CSMD3: variants seen among roughly 807,000 people sequenced by gnomAD.
The protein encoded by CSMD3 is CUB and sushi domain-containing protein 3.
Under a neutral mutation model 435.2 loss-of-function variants are expected in CSMD3, and 177 were observed. The ratio of observed to expected loss-of-function variants is 0.41; its 90% CI spans 0.36 to 0.46. CSMD3 has a LOEUF of 0.46. Among genes scored for constraint, CSMD3 ranks in the 20% least tolerant of loss-of-function variants. The probability of loss-of-function intolerance (pLI) is 0.34; values close to 1 mark genes in which losing one functional copy is unlikely to be tolerated. For synonymous variants in CSMD3, 1,656 were observed against 1,520.5 expected (o/e 1.09, Z -2.07); for missense variants, 4,265 against 4,504.6 (o/e 0.95, Z 1.52).
intron 3 of CSMD3, among the ~76,000 whole-genome samples, chr8:113,208,246 A>G (rs535852361): frequency 6.4e-4 from 97 of 152,270 alleles, no homozygotes; most frequent in African/African-American, 2.3e-3. Flanking sequence ...TAGTGTATTT[A>G]GCAATGTGGG....
At chr8:112,366,953 A>T (rs12682600) in intron 38 of CSMD3, among the ~76,000 whole-genome samples, 2 of 151,760 alleles carry the variant, frequency 1.3e-5, no homozygotes, top group Admixed American at 6.6e-5. Flanking sequence ...TTTTAATTCC[A>T]TTTTTAATTC....
chr8:112,984,426 T>A (rs2085171296), intron 6 of CSMD3, among the ~76,000 whole-genome samples: 1 of 152,098 alleles, frequency 6.6e-6, no homozygotes. Context: ...ATGTTAAAAT[T>A]TAGCCATAAA....
At chr8:113,341,584 T>A (rs975224615) in intron 1 of CSMD3, among the ~76,000 whole-genome samples, 1 of 152,096 alleles carries the variant, frequency 6.6e-6, no homozygotes, top group South Asian at 2.1e-4. Context: ...TATAAATATA[T>A]ATATGAGACA....
intron 4 of CSMD3, among the ~76,000 whole-genome samples, chr8:113,118,046 C>A (rs1480442): frequency 0.34 from 51,797 of 151,928 alleles, 9,710 homozygotes; most frequent in East Asian, 0.69. Flanking sequence ...GTAGCTTCGT[C>A]CCCAAGTTCT....
intron 1 of CSMD3, among the ~76,000 whole-genome samples, chr8:113,319,004 A>G (rs949461753): frequency 1.3e-5 from 2 of 152,030 alleles, no homozygotes; most frequent in African/African-American, 4.8e-5. Context: ...TGCTGCAAAA[A>G]ACATGGGAGT....
At position 113,212,303 on chromosome 8, in the gene CSMD3, G is replaced by A. The variant is rs543846745; in HGVS notation, c.515-38387C>T. 1.9e-4 allele frequency among the ~76,000 whole-genome samples: 29 copies of A among 152,234 alleles called. No individual in the cohort carries two copies. In the South Asian group the frequency reaches 5.6e-3, roughly 29 times the overall value. On this transcript the variant is annotated intron_variant, in intron 3 of 70. Transcript: ENST00000297405. The stretch of plus-strand genomic sequence containing the variant: ...GGATAACCATATTCACATAAAGAAT[G>A]AGGTATATATTGATATCTCTTCAGT...
At chr8:112,360,845 A>G (rs1827124400) in intron 38 of CSMD3, among the ~76,000 whole-genome samples, 1 of 151,972 alleles carries the variant, frequency 6.6e-6, no homozygotes, top group Admixed American at 6.6e-5. Flanking sequence ...GATAAGTCAT[A>G]TGCTGATGGC....
At chr8:112,821,573 G>A (rs181594867) in intron 12 of CSMD3, among the ~76,000 whole-genome samples, 5 of 152,106 alleles carry the variant, frequency 3.3e-5, no homozygotes, top group Non-Finnish European at 7.4e-5. Context: ...TTGAAAGATT[G>A]TAAACTTTTT....
At chr8:112,778,355 TTGCTC>T (rs2078296957) in intron 13 of CSMD3, among the ~76,000 whole-genome samples, 1 of 151,944 alleles carries the variant, frequency 6.6e-6, no homozygotes. Context: ...AAAATCCTCT[TTGCTC>T]TGCTTAATCT....
chr8:113,152,098 T>A (rs1795252028), intron 4 of CSMD3, among the ~76,000 whole-genome samples: 1 of 151,410 alleles, frequency 6.6e-6, no homozygotes, highest in South Asian at 2.1e-4. Context: ...TACAACCGCC[T>A]GAAGAGCTTT....
At chr8:113,138,856 T>A (rs2091481001) in intron 4 of CSMD3, among the ~76,000 whole-genome samples, 1 of 150,704 alleles carries the variant, frequency 6.6e-6, no homozygotes, top group Admixed American at 6.7e-5. Context: ...TGTCACATAC[T>A]ACATATATCT....
intron 10 of CSMD3, among the ~76,000 whole-genome samples, chr8:112,880,218 C>G (rs1185613342): frequency 6.6e-6 from 1 of 151,950 alleles, no homozygotes; most frequent in Non-Finnish European, 1.5e-5. Context: ...ATCTTTCTTT[C>G]TAGAAAAAAT....
chr8:112,902,473 T>C (rs2082131837), intron 10 of CSMD3, among the ~76,000 whole-genome samples: 1 of 151,282 alleles, frequency 6.6e-6, no homozygotes, highest in Non-Finnish European at 1.5e-5. Flanking sequence ...AGAAAATTTA[T>C]CTTCTACTCT....
chr8:113,111,230 A>T (rs1378667522), intron 4 of CSMD3, among the ~76,000 whole-genome samples: 1 of 152,136 alleles, frequency 6.6e-6, no homozygotes, highest in Admixed American at 6.5e-5. Flanking sequence ...TTAATCAACA[A>T]ATCATGATTA....
chr8:113,023,591 T>G (rs571409214), intron 5 of CSMD3, among the ~76,000 whole-genome samples: 52 of 152,246 alleles, frequency 3.4e-4, no homozygotes, highest in Non-Finnish European at 5.9e-4. Flanking sequence ...ATTTTATTCT[T>G]TCATCTTATC....
chr8:113,101,106 T>C (rs1156770576), intron 4 of CSMD3, among the ~76,000 whole-genome samples: 1 of 152,128 alleles, frequency 6.6e-6, no homozygotes, highest in African/African-American at 2.4e-5. Flanking sequence ...GACAGACAAT[T>C]AAAGAAAGAT....
intron 37 of CSMD3, 114 bp from the exon 38 acceptor site, chr8:112,380,570 G>A (rs1829380634): frequency 3.0e-6 from 2 of 659,842 alleles, no homozygotes; most frequent in East Asian, 2.8e-5. Context: ...CATTATTCAA[G>A]TTGTTTTTCA....
intron 1 of CSMD3, among the ~76,000 whole-genome samples, chr8:113,390,984 T>C (rs1348931973): frequency 6.6e-6 from 1 of 151,982 alleles, no homozygotes; most frequent in African/African-American, 2.4e-5. Context: ...AGATGCTTCA[T>C]GTTGTCAACA....
At chr8:112,501,940 G>T (rs1191788054) in intron 30 of CSMD3, among the ~76,000 whole-genome samples, 2 of 151,792 alleles carry the variant, frequency 1.3e-5, no homozygotes, top group African/African-American at 2.4e-5. Flanking sequence ...TTTTCAGAAG[G>T]ATACATACAT....
Sources: gnomAD v4.1 joint callset for allele counts (sites outside exome capture counted in the v4.1 genomes callset) on GRCh38, gnomAD v4.1.1 for gene constraint, MANE v1.5 for transcripts, NCBI Gene and HGNC (gene_info 2026-07-23, HGNC 2026-07-21) for gene names.